Variants in PAX5 observed in about 807,000 individuals in gnomAD.
PAX5 encodes the protein paired box protein Pax-5.
Under a neutral mutation model 43.7 loss-of-function variants are expected in PAX5, and 9 were observed. The ratio of observed to expected loss-of-function variants is 0.21; its 90% CI spans 0.12 to 0.36. The LOEUF (loss-of-function observed/expected upper bound fraction) is 0.36, where lower values mean the gene tolerates loss of function less well. PAX5 is among the 10% of genes least tolerant of loss of function. The probability of loss-of-function intolerance (pLI) is 1.00; values close to 1 mark genes in which losing one functional copy is unlikely to be tolerated. For synonymous variants in PAX5, 228 were observed against 214.3 expected, an observed-to-expected ratio of 1.06 and a Z score of -0.56; for missense variants, 383 against 532.7, an observed-to-expected ratio of 0.72 and a Z score of 2.77.
At chr9:36,937,584 T>C (rs1390262921) in intron 6 of PAX5, among the ~76,000 whole-genome samples, 2 of 152,218 alleles carry the variant, frequency 1.3e-5, no homozygotes, top group Non-Finnish European at 2.9e-5. Flanking sequence ...CTCCTCTTCC[T>C]GTGTTTGGTG....
Position 36,966,149 on chromosome 9 carries a change from C to T in PAX5, c.780+400G>A, listed in dbSNP as rs558686071. Among the ~76,000 whole-genome samples, 30 of 152,368 alleles carry T rather than the reference C, an allele frequency of 2.0e-4. No homozygotes were observed. In the South Asian group the frequency reaches 4.6e-3, roughly 23 times the overall value. ...GCTCCGTCATTCCATTGTTCACGGC[C>T]GGTGAGCCCCCAGGCCGCGTGCTGG... On this transcript the variant is annotated intron_variant, in intron 6 of 9. Transcript: ENST00000358127.
At chr9:36,971,867 C>G (rs2132225446) in intron 5 of PAX5, among the ~76,000 whole-genome samples, 1 of 152,298 alleles carries the variant, frequency 6.6e-6, no homozygotes, top group South Asian at 2.1e-4. Flanking sequence ...AGGGAAGAAG[C>G]AAAATAGCCT....
At chr9:36,981,061 A>C (rs1281138080) in intron 5 of PAX5, among the ~76,000 whole-genome samples, 1 of 151,634 alleles carries the variant, frequency 6.6e-6, no homozygotes, top group East Asian at 1.9e-4. Flanking sequence ...GGGTCTTTGC[A>C]CTTGCTGTTC....
intron 5 of PAX5, among the ~76,000 whole-genome samples, chr9:36,983,220 C>T (rs1394167255): frequency 2.0e-5 from 3 of 152,162 alleles, no homozygotes; most frequent in Non-Finnish European, 4.4e-5. Flanking sequence ...GGGAAGATTA[C>T]GCTTTGCTTT....
intron 7 of PAX5, among the ~76,000 whole-genome samples, chr9:36,911,196 G>A (rs910086935): frequency 1.3e-5 from 2 of 152,154 alleles, no homozygotes; most frequent in African/African-American, 4.8e-5. Context: ...GCCTGGTTCT[G>A]CCCCACAAGT....
intron 1 of PAX5, among the ~76,000 whole-genome samples, chr9:37,031,551 G>T (rs1345871748): frequency 6.6e-6 from 1 of 152,102 alleles, no homozygotes; most frequent in Admixed American, 6.5e-5. Context: ...TTCTCCAAGG[G>T]GGTCCATGGA....
intron 6 of PAX5, among the ~76,000 whole-genome samples, chr9:36,958,626 G>A (rs1032708904): frequency 6.6e-6 from 1 of 152,058 alleles, no homozygotes. Flanking sequence ...CCTAGCAATC[G>A]CCTCCTGGTC....
intron 8 of PAX5, among the ~76,000 whole-genome samples, chr9:36,859,165 C>T (rs1400385034): frequency 1.3e-5 from 2 of 152,112 alleles, no homozygotes; most frequent in Admixed American, 6.5e-5. Context: ...TTCCTGCCCC[C>T]GGCAAGCCAG....
At chr9:36,996,617 C>G (rs1277175024) in intron 5 of PAX5, among the ~76,000 whole-genome samples, 1 of 152,220 alleles carries the variant, frequency 6.6e-6, no homozygotes, top group Non-Finnish European at 1.5e-5. Flanking sequence ...CCGGGAGCAG[C>G]AGACAGCATC....
chr9:36,866,737 A>G (rs1003535048), intron 8 of PAX5, among the ~76,000 whole-genome samples: 4 of 152,150 alleles, frequency 2.6e-5, no homozygotes, highest in South Asian at 4.1e-4. Flanking sequence ...GACTTGCCAT[A>G]TGACTTTGAA....
chr9:36,959,107 A>G (rs1556136), intron 6 of PAX5, among the ~76,000 whole-genome samples: 138,231 of 152,236 alleles, frequency 0.91, 62,883 homozygotes, highest in Non-Finnish European at 0.95. Flanking sequence ...AGGATTCCTC[A>G]GGGGAACTGC....
intron 3 of PAX5, among the ~76,000 whole-genome samples, chr9:37,013,427 C>G (rs921259357): frequency 6.6e-6 from 1 of 152,168 alleles, no homozygotes; most frequent in African/African-American, 2.4e-5. Context: ...TATATGTGTA[C>G]TCTACGTTGG....
At chr9:36,962,924 A>G (rs1301702983) in intron 6 of PAX5, among the ~76,000 whole-genome samples, 2 of 152,214 alleles carry the variant, frequency 1.3e-5, no homozygotes, top group Non-Finnish European at 2.9e-5. Context: ...CTCACAGGCG[A>G]GGCCTGTGGA....
intron 6 of PAX5, among the ~76,000 whole-genome samples, chr9:36,949,016 C>A (rs1187878816): frequency 1.3e-5 from 2 of 152,274 alleles, no homozygotes; most frequent in Non-Finnish European, 2.9e-5. Context: ...TTTGTTTAAT[C>A]AGTACAACCA....
At chr9:36,888,385 A>G (rs1827082362) in intron 7 of PAX5, among the ~76,000 whole-genome samples, 1 of 152,252 alleles carries the variant, frequency 6.6e-6, no homozygotes, top group Non-Finnish European at 1.5e-5. Flanking sequence ...CAATTGATGA[A>G]TGCATAACGA....
chr9:36,839,430 G>A lies in PAX5; in HGVS notation c.*1130C>T, dbSNP rs866309982. On this transcript the variant is annotated 3_prime_UTR_variant, in exon 10 of 10. Transcript: ENST00000358127. ...CACGAGGACGGGGAGGGTCTGCCCC[G>A]AGAGGATGCTCAGAAGTTCTGGCTG... 4.4e-4 allele frequency: 102 copies of A among 233,512 alleles called. 1 individual carries two copies. The highest frequency in any genetic ancestry group is 1.2e-3 in the Middle Eastern group (1 of 810). 14.5% of individuals were successfully genotyped at this position (233,512 alleles called of 1,614,324 possible).
intron 5 of PAX5, among the ~76,000 whole-genome samples, chr9:36,981,652 C>T (rs942987722): frequency 3.9e-5 from 6 of 152,146 alleles, no homozygotes; most frequent in Non-Finnish European, 8.8e-5. Flanking sequence ...CCACAGTGCC[C>T]GACACCACAT....
At chr9:36,889,612 C>A (rs76123708) in intron 7 of PAX5, among the ~76,000 whole-genome samples, 25 of 152,314 alleles carry the variant, frequency 1.6e-4, no homozygotes, top group African/African-American at 5.3e-4. Context: ...CCTTCACAAT[C>A]CCCCAGCATT....
Position 36,928,507 on chromosome 9 carries a change from C to T in PAX5, c.781-5023G>A, listed in dbSNP as rs16933748. 0.075 allele frequency among the ~76,000 whole-genome samples: 11,407 copies of T among 152,258 alleles called. 520 individuals are homozygous for T. Among genetic ancestry groups the T allele is most frequent in the East Asian group, 0.11 (593 of 5,182 alleles). On this transcript the variant is annotated intron_variant, in intron 6 of 9. Coordinates refer to ENST00000358127, the MANE Select transcript of PAX5 (RefSeq NM_016734.3). ...GTTTGTCTATCTCCCTCCAGGTTGC[C>T]TTGACAGTGTGGAACATGGAACATC...
Sources: allele counts gnomAD v4.1 joint callset (sites outside exome capture counted in the v4.1 genomes callset), GRCh38; gene constraint gnomAD v4.1.1; transcripts MANE v1.5; gene names NCBI Gene and HGNC (gene_info 2026-07-23, HGNC 2026-07-21).